CFAP70: variants seen among roughly 807,000 people sequenced by gnomAD.
CFAP70 encodes cilia and flagella associated protein 70.
Under a neutral mutation model 137.6 loss-of-function variants are expected in CFAP70, and 81 were observed. The observed-to-expected ratio is 0.59, with a 90% CI of 0.49 to 0.71. CFAP70 has a LOEUF of 0.71. Among genes scored for constraint, CFAP70 ranks in the 30% least tolerant of loss-of-function variants. The probability of loss-of-function intolerance (pLI) is 0.00; values close to 1 mark genes in which losing one functional copy is unlikely to be tolerated. For missense variants in CFAP70, 976 were observed against 1,226.7 expected (o/e 0.80, Z 3.05); for synonymous variants, 382 against 423.6 (o/e 0.90, Z 1.20).
At chr10:73,331,336 G>C in intron 7 of CFAP70, 60 bp from the exon 9 acceptor site, 3 of 1,377,526 alleles carry the variant, frequency 2.2e-6, no homozygotes, top group Non-Finnish European at 3.0e-6. Context: ...GTATAATTTA[G>C]GTTAAAGGGA....
chr10:73,263,227 G>A (rs1033335481), intron 25 of CFAP70, among the ~76,000 whole-genome samples: 1 of 147,672 alleles, frequency 6.8e-6, no homozygotes, highest in African/African-American at 2.6e-5. Context: ...AGCCTCCCAA[G>A]TAGCTGGGAC....
chr10:73,323,172 T>A (rs2051033338), intron 8 of CFAP70, 75 bp from the exon 10 acceptor site: 1 of 1,364,630 alleles, frequency 7.3e-7, no homozygotes, highest in Non-Finnish European at 9.7e-7. Flanking sequence ...GACTCAGCAG[T>A]TCAAAGGCCT....
intron 24 of CFAP70, 55 bp downstream of exon 25, chr10:73,272,873 A>T: frequency 3.4e-6 from 5 of 1,466,748 alleles, no homozygotes; most frequent in Non-Finnish European, 4.7e-6. Context: ...TGGAAGGCCA[A>T]GGAATCAAGG....
At chr10:73,280,422 G>T (rs2047175262) in intron 19 of CFAP70, among the ~76,000 whole-genome samples, 1 of 152,160 alleles carries the variant, frequency 6.6e-6, no homozygotes, top group Non-Finnish European at 1.5e-5. Flanking sequence ...TTTGATACCA[G>T]GGTGATTACT....
At chr10:73,298,793 C>T (rs2048723272) in intron 14 of CFAP70, 114 bp downstream of exon 15, 3 of 918,208 alleles carry the variant, frequency 3.3e-6, no homozygotes, top group Non-Finnish European at 4.9e-6. Context: ...CTTTGCCCCA[C>T]CAAGAAAGGT....
upstream of CFAP70, among the ~76,000 whole-genome samples, chr10:73,361,039 C>G (rs1424894517): frequency 2.0e-5 from 3 of 151,448 alleles, no homozygotes; most frequent in Admixed American, 1.3e-4. Flanking sequence ...CACTCTGTAG[C>G]CCAGGCTGGA....
rs1395898531 is a variant in CFAP70, at chr10:73,335,636, T to C, written c.583-112A>G. 6.3e-6 allele frequency: 4 copies of C among 634,846 alleles called. No individual in the cohort carries two copies. The East Asian group carries it at 1.2e-4, about 19-fold the overall frequency. 39.3% of individuals were successfully genotyped at this position (634,846 alleles called of 1,614,324 possible). The stretch of plus-strand genomic sequence containing the variant: ...TTCACAATACTTTTCTTAGTATTAT[T>C]ACTACTATAAGTATGACTACTATTG... On this transcript the variant is annotated intron_variant, in intron 6 of 26. Transcript: ENST00000310715.
At chr10:73,362,740 C>G (rs1479360002), upstream of CFAP70, among the ~76,000 whole-genome samples, 1 of 152,002 alleles carries the variant, frequency 6.6e-6, no homozygotes, top group Non-Finnish European at 1.5e-5. Context: ...TTCTTTCTTT[C>G]CAATTTAGAT....
chr10:73,254,153 CA>C, intron 26 of CFAP70, 98 bp from the exon 28 acceptor site: 1 of 947,486 alleles, frequency 1.1e-6, no homozygotes, highest in Non-Finnish European at 1.5e-6. Context: ...GGCTAAAGAA[CA>C]TAGTTCCCTG....
chr10:73,298,529 C>T (rs1004551404), intron 14 of CFAP70, among the ~76,000 whole-genome samples: 3 of 152,026 alleles, frequency 2.0e-5, no homozygotes, highest in African/African-American at 4.8e-5. Context: ...ATAACTGTTT[C>T]GTCTTCAATT....
intron 25 of CFAP70, among the ~76,000 whole-genome samples, chr10:73,257,034 T>C (rs1265467313): frequency 6.6e-6 from 1 of 152,160 alleles, no homozygotes; most frequent in Admixed American, 6.5e-5. Context: ...AGCCATTCTG[T>C]TAATAATAAT....
chr10:73,256,902 CAAAAAAAAAAAAAA>C (rs55805225), intron 25 of CFAP70, among the ~76,000 whole-genome samples: 1 of 58,320 alleles, frequency 1.7e-5, no homozygotes, highest in Non-Finnish European at 3.8e-5. Context: ...GACTCCATCT[CAAAAAAAAAAAAAA>C]AAAAAAAAAG....
At chr10:73,362,246 C>T (rs532605624), upstream of CFAP70, among the ~76,000 whole-genome samples, 1 of 152,144 alleles carries the variant, frequency 6.6e-6, no homozygotes, top group South Asian at 2.1e-4. Context: ...ACACCATATA[C>T]AAAAAATAAC....
intron 11 of CFAP70, 124 bp from the exon 13 acceptor site, chr10:73,310,373 G>T: frequency 1.9e-6 from 1 of 534,272 alleles, no homozygotes; most frequent in Non-Finnish European, 3.2e-6. Context: ...CATATACAGT[G>T]TGATCTCAAC....
chr10:73,254,180 T>G, intron 26 of CFAP70, 125 bp from the exon 28 acceptor site: 2 of 614,234 alleles, frequency 3.3e-6, no homozygotes, highest in Non-Finnish European at 5.1e-6. Context: ...GAATTGGCTC[T>G]TCCTATTTCC....
intron 8 of CFAP70, among the ~76,000 whole-genome samples, chr10:73,324,448 C>T (rs796861320): frequency 3.3e-5 from 5 of 152,158 alleles, no homozygotes; most frequent in African/African-American, 7.2e-5. Flanking sequence ...TCCAAAGGAA[C>T]GCAGTTCCTC....
Position 73,314,733 on chromosome 10 carries a change from G to A in CFAP70, c.913-2090C>T, listed in dbSNP as rs544778153. Among the ~76,000 whole-genome samples the A allele has an allele frequency of 4.6e-5, 7 of 152,122 alleles. No homozygotes were observed. In the East Asian group the frequency reaches 1.4e-3, roughly 30 times the overall value. On this transcript the variant is annotated intron_variant, in intron 9 of 26. Transcript: ENST00000310715. ...AGCCATCAGCTCACCTCAGCCTCCT[G>A]AGTAGCTGGGACACAGGCACATGCC...
intron 5 of CFAP70, among the ~76,000 whole-genome samples, chr10:73,342,299 G>A (rs1361986260): frequency 6.6e-6 from 1 of 152,094 alleles, no homozygotes; most frequent in African/African-American, 2.4e-5. Flanking sequence ...CACTTTGGGA[G>A]ATAGAGCCAG....
At chr10:73,358,990 C>G (rs970175849), upstream of CFAP70, 3 of 152,270 alleles carry the variant, frequency 2.0e-5, no homozygotes, top group African/African-American at 7.2e-5. Context: ...GCTTTCTCGA[C>G]TCTTTGATTT....
Sources: gnomAD v4.1 joint callset for allele counts (sites outside exome capture counted in the v4.1 genomes callset) on GRCh38, gnomAD v4.1.1 for gene constraint, MANE v1.5 for transcripts, NCBI Gene and HGNC (gene_info 2026-07-23, HGNC 2026-07-21) for gene names.